Variants in RHOQ observed in about 807,000 individuals in gnomAD.
The protein encoded by RHOQ is rho-related GTP-binding protein RhoQ.
In RHOQ, 7 loss-of-function variants were observed where a neutral mutation model predicts 25.8. The ratio of observed to expected loss-of-function variants is 0.27; its 90% CI spans 0.15 to 0.51. The LOEUF (loss-of-function observed/expected upper bound fraction) is 0.51, where lower values mean the gene tolerates loss of function less well. Among genes scored for constraint, RHOQ ranks in the 20% least tolerant of loss-of-function variants. The probability of loss-of-function intolerance (pLI) is 0.97; values close to 1 mark genes in which losing one functional copy is unlikely to be tolerated. For missense variants in RHOQ, 165 were observed against 260.6 expected (o/e 0.63, Z 2.53); for synonymous variants, 97 against 98.6 (o/e 0.98, Z 0.10).
intron 2 of RHOQ, among the ~76,000 whole-genome samples, chr2:46,544,353 AAG>A (rs1287390127): frequency 6.6e-6 from 1 of 152,172 alleles, no homozygotes; most frequent in Non-Finnish European, 1.5e-5. Context: ...ACAGGGAAAA[AAG>A]AAAAGAAACA....
rs200251775 is a variant in RHOQ, at chr2:46,548,085, GA to G, written c.201+4275del. 0.02 allele frequency among the ~76,000 whole-genome samples: 3,021 copies of G among 152,322 alleles called. 56 individuals carry two copies. The highest frequency in any genetic ancestry group is 0.045 in the African/African-American group (1,888 of 41,556). On this transcript the variant is annotated intron_variant, in intron 2 of 4. Coordinates refer to ENST00000238738, the MANE Select transcript of RHOQ (RefSeq NM_012249.4). This position sits in a 1 kb window ranked among gnomAD's most constrained non-coding sequence, Gnocchi z 5.2. ...GATTTAGCCACTGTCTCAGTGTGTG[GA>G]AGTCAATTTGTGTGCTTTGGGATGT...
intron 2 of RHOQ, among the ~76,000 whole-genome samples, chr2:46,549,240 C>A (rs80314592): frequency 6.6e-6 from 1 of 152,006 alleles, no homozygotes; most frequent in African/African-American, 2.4e-5. Flanking sequence ...TCTGAGGGGC[C>A]GGGGGAGTGA....
chr2:46,545,975 C>G (rs1668029672), intron 2 of RHOQ, among the ~76,000 whole-genome samples: 1 of 152,142 alleles, frequency 6.6e-6, no homozygotes. Flanking sequence ...ACTGTTTTCA[C>G]CCAATGCTGG....
At chr2:46,553,982 T>C (rs769544749) in intron 2 of RHOQ, among the ~76,000 whole-genome samples, 17 of 152,150 alleles carry the variant, frequency 1.1e-4, no homozygotes, top group African/African-American at 3.9e-4. Flanking sequence ...GTCCATGAGT[T>C]CAATTGTTTT....
At chr2:46,545,175 C>T (rs1274791275) in intron 2 of RHOQ, among the ~76,000 whole-genome samples, 3 of 152,210 alleles carry the variant, frequency 2.0e-5, no homozygotes, top group Admixed American at 6.5e-5. Flanking sequence ...CATTGGTTGC[C>T]TGCCCTGTAG....
intron 2 of RHOQ, among the ~76,000 whole-genome samples, chr2:46,545,468 A>G (rs1668014927): frequency 6.6e-6 from 1 of 152,152 alleles, no homozygotes; most frequent in Admixed American, 6.6e-5. Context: ...CCCTGCTAGT[A>G]TTTACTGAGT....
chr2:46,543,286 C>G (rs1270563808), intron 1 of RHOQ, 98 bp downstream of exon 1: 1 of 1,367,276 alleles, frequency 7.3e-7, no homozygotes, highest in Non-Finnish European at 1.0e-6. Flanking sequence ...AGAGCGCACT[C>G]CTCTCCCCTC....
At chr2:46,579,025 G>T (rs17035312) in intron 4 of RHOQ, among the ~76,000 whole-genome samples, 1 of 152,134 alleles carries the variant, frequency 6.6e-6, no homozygotes, top group Non-Finnish European at 1.5e-5. Flanking sequence ...GAGCTACAAA[G>T]ATGCTGAATT....
rs1667905346 is a variant in RHOQ at position 46,543,401 on chromosome 2, G to T, written c.142+213G>T. On this transcript the variant is annotated intron_variant, in intron 1 of 4. Transcript: ENST00000238738. Reference sequence around the variant, plus strand: ...CCCTCTCCCACCCGCCCCCTACGCGGCTCCTGCTCCCCGCACTTCCTACCC... The same window carrying T: ...CCCTCTCCCACCCGCCCCCTACGCGTCTCCTGCTCCCCGCACTTCCTACCC... 1.2e-5 allele frequency: 7 copies of T among 607,018 alleles called. No individual in the cohort carries two copies. The Admixed American group carries it at 1.8e-4, about 16-fold the overall frequency. 37.6% of individuals were successfully genotyped at this position (607,018 alleles called of 1,614,324 possible).
In RHOQ at chr2:46,543,738, A is replaced by AC; in HGVS notation, c.143-15dup. The AC allele has an allele frequency of 6.2e-7, 1 of 1,611,830 alleles. No homozygotes were observed. Among genetic ancestry groups the AC allele is most frequent in the Non-Finnish European group, 8.5e-7 (1 of 1,178,868 alleles). ...ACTGTGAGCTTCTCTCCCCGCCCCC[A>AC]CTTCTGTCCTTGCAGTCAGCGTCAC... On this transcript the variant is annotated splice_polypyrimidine_tract_variant and intron_variant, in intron 1 of 4. Coordinates refer to ENST00000238738, the MANE Select transcript of RHOQ (RefSeq NM_012249.4).
chr2:46,554,789 C>CTT (rs11438549), intron 2 of RHOQ, among the ~76,000 whole-genome samples: 31 of 138,760 alleles, frequency 2.2e-4, no homozygotes, highest in African/African-American at 5.9e-4. Flanking sequence ...TTCTTTCTTT[C>CTT]TTTTTTTTTT....
rs947194527 is a variant in RHOQ at position 46,548,633 on chromosome 2, C to T, written c.201+4821C>T. On this transcript the variant is annotated intron_variant, in intron 2 of 4. Transcript: ENST00000238738. This position sits in a 1 kb window ranked among gnomAD's most constrained non-coding sequence, Gnocchi z 5.2. ...ATCAGACTCTGGGTCCTTGTAGCCC[C>T]GTGTTCCATCCTTGCTCAGCCCGGT... 7.9e-5 allele frequency among the ~76,000 whole-genome samples: 12 copies of T among 152,134 alleles called. No homozygotes were observed. Among genetic ancestry groups the T allele is most frequent in the Admixed American group, 3.3e-4 (5 of 15,282 alleles).
Position 46,576,444 on chromosome 2 carries a change from ATTAAG to A in RHOQ, c.367-114_367-110del, listed in dbSNP as rs1669131533. Reference sequence around the variant, plus strand: ...GCAATTATTTTCCTGGTTTTTAAAAATTAAGTTCTTTTGTTTAATCTTTTTTTGGT... The same window carrying A: ...GCAATTATTTTCCTGGTTTTTAAAAATTCTTTTGTTTAATCTTTTTTTGGT... On this transcript the variant is annotated intron_variant, in intron 3 of 4. Transcript: ENST00000238738. This position sits in a 1 kb window ranked among gnomAD's most constrained non-coding sequence, Gnocchi z 5.1. 9 of 922,712 alleles carry A rather than the reference ATTAAG, an allele frequency of 9.8e-6. No individual in the cohort carries two copies. Among genetic ancestry groups the A allele is most frequent in the African/African-American group, 1.7e-5 (1 of 59,308 alleles). The allele number at this position is 922,712 out of a possible 1,614,324, so 57.2% of individuals were successfully genotyped here. A position where few individuals can be genotyped will look rare whatever the true frequency, so the allele number is the denominator to read the frequency against.
In RHOQ at chr2:46,555,077, G is replaced by T. The variant is rs1431713782; in HGVS notation, c.201+11265G>T. Among the ~76,000 whole-genome samples, 3 of 152,230 alleles carry T rather than the reference G, an allele frequency of 2.0e-5. No individual in the cohort carries two copies. The highest frequency in any genetic ancestry group is 7.2e-5 in the African/African-American group (3 of 41,460). ...ACTGGACACGAGGAGGGACAGAGCAGGCAGATGGGGGCTCTGCTTCCTTCG... is the reference window on the plus strand; with the variant it reads ...ACTGGACACGAGGAGGGACAGAGCATGCAGATGGGGGCTCTGCTTCCTTCG... On this transcript the variant is annotated intron_variant, in intron 2 of 4. Transcript: ENST00000238738. The surrounding 1 kb of genome is among the most constrained non-coding windows in gnomAD (Gnocchi z 4.3).
intron 2 of RHOQ, chr2:46,568,387 C>T (rs1318903617): frequency 5.3e-5 from 8 of 152,190 alleles, no homozygotes; most frequent in African/African-American, 1.4e-4. Context: ...GGTAAAGACA[C>T]AGGAAGCTCA....
intron 2 of RHOQ, among the ~76,000 whole-genome samples, chr2:46,557,059 C>T (rs1668431247): frequency 6.6e-6 from 1 of 152,134 alleles, no homozygotes; most frequent in Non-Finnish European, 1.5e-5. Flanking sequence ...TCTGTAAAGA[C>T]ATGTGAATAA....
In RHOQ at chr2:46,556,413, C is replaced by T. The variant is rs1054377491; in HGVS notation, c.201+12601C>T. 8.5e-5 allele frequency among the ~76,000 whole-genome samples: 13 copies of T among 152,072 alleles called. No individual in the cohort carries two copies. The highest frequency in any genetic ancestry group is 2.0e-4 in the Admixed American group (3 of 15,266). On this transcript the variant is annotated intron_variant, in intron 2 of 4. Coordinates refer to ENST00000238738, the MANE Select transcript of RHOQ (RefSeq NM_012249.4). This position sits in a 1 kb window ranked among gnomAD's most constrained non-coding sequence, Gnocchi z 4.9. ...GTGCACTTGTGGTGCTGCCTTCGCC[C>T]CTGGCTCAGGTAGAGGCGAGGGCTG...
intron 2 of RHOQ, chr2:46,568,279 A>G (rs1456988081): frequency 6.6e-6 from 1 of 152,170 alleles, no homozygotes; most frequent in Non-Finnish European, 1.5e-5. Flanking sequence ...AATATTTAAT[A>G]GAGACTTAGA....
rs1332253296 is a variant in RHOQ, at chr2:46,583,185, C to A, written c.*2102C>A. On this transcript the variant is annotated 3_prime_UTR_variant, in exon 5 of 5. Coordinates refer to ENST00000238738, the MANE Select transcript of RHOQ (RefSeq NM_012249.4). ...GGGGCTCCAATTCATATCTCTGAAACCCTTCACACTTGGTTTACTAATTCA... is the reference window on the plus strand; with the variant it reads ...GGGGCTCCAATTCATATCTCTGAAAACCTTCACACTTGGTTTACTAATTCA... 6.6e-6 allele frequency: 1 copy of A among 151,968 alleles called. No homozygotes were observed. Among genetic ancestry groups the A allele is most frequent in the Non-Finnish European group, 1.5e-5 (1 of 67,978 alleles). The allele number at this position is 151,968 out of a possible 1,614,324, so 9.4% of individuals were successfully genotyped here. A position where few individuals can be genotyped will look rare whatever the true frequency, so the allele number is the denominator to read the frequency against.
Sources: allele counts gnomAD v4.1 joint callset (sites outside exome capture counted in the v4.1 genomes callset), GRCh38; gene constraint gnomAD v4.1.1; non-coding constraint Gnocchi (gnomAD v3.1); transcripts MANE v1.5; gene names NCBI Gene and HGNC (gene_info 2026-07-23, HGNC 2026-07-21).